Variants in NCKAP5 observed in about 807,000 individuals in gnomAD.
NCKAP5 encodes NCK associated protein 5.
In NCKAP5, 92 loss-of-function variants were observed where a neutral mutation model predicts 167.0. The observed-to-expected ratio is 0.55, with a 90% CI of 0.47 to 0.66. The LOEUF (loss-of-function observed/expected upper bound fraction) is 0.66, where lower values mean the gene tolerates loss of function less well. Among genes scored for constraint, NCKAP5 ranks in the 30% least tolerant of loss-of-function variants. The probability of loss-of-function intolerance (pLI) is 0.00; values close to 1 mark genes in which losing one functional copy is unlikely to be tolerated. For missense variants in NCKAP5, 2,378 were observed against 2,315.0 expected, an observed-to-expected ratio of 1.03 and a Z score of -0.56; for synonymous variants, 891 against 877.4, an observed-to-expected ratio of 1.02 and a Z score of -0.27.
At chr2:133,584,535 C>T in the NCKAP5 span, among the ~76,000 whole-genome samples, 1 of 152,170 alleles carries the variant, frequency 6.6e-6, no homozygotes, top group Admixed American at 6.5e-5. Flanking sequence ...GAGGCTGAGG[C>T]GGGTGGATCA....
intron 11 of NCKAP5, among the ~76,000 whole-genome samples, chr2:132,856,900 A>T (rs1689515511): frequency 6.6e-6 from 1 of 152,178 alleles, no homozygotes. Flanking sequence ...CTTAATTTCA[A>T]CAGATTTTCA....
At chr2:132,973,726 G>GA (rs774637661) in intron 7 of NCKAP5, among the ~76,000 whole-genome samples, 1,869 of 141,106 alleles carry the variant, frequency 0.013, 12 homozygotes, top group South Asian at 0.024. Flanking sequence ...CACCTTCTTG[G>GA]AAAAAAAAAA....
At chr2:132,732,670 A>G (rs575617156) in intron 16 of NCKAP5, among the ~76,000 whole-genome samples, 47 of 152,334 alleles carry the variant, frequency 3.1e-4, no homozygotes, top group African/African-American at 8.7e-4. Flanking sequence ...CAATCTGGGA[A>G]TCATACAACT....
Position 132,745,351 on chromosome 2 carries a change from T to C in NCKAP5, c.5129-13300A>G, listed in dbSNP as rs575068535. 4.0e-5 allele frequency among the ~76,000 whole-genome samples: 6 copies of C among 150,814 alleles called. No individual in the cohort carries two copies. The South Asian group carries it at 8.3e-4, about 21-fold the overall frequency. Reference sequence around the variant, plus strand: ...AACCATATGATTATCTCAAAATACATAGAAAAAATCATTTAACAAAATTCA... The same window carrying C: ...AACCATATGATTATCTCAAAATACACAGAAAAAATCATTTAACAAAATTCA... On this transcript the variant is annotated intron_variant, in intron 16 of 19. Transcript: ENST00000409261.
intron 3 of NCKAP5, among the ~76,000 whole-genome samples, chr2:133,329,902 G>A (rs1377116204): frequency 6.6e-6 from 1 of 151,974 alleles, no homozygotes; most frequent in African/African-American, 2.4e-5. Context: ...TGGTTTGTGA[G>A]GAATCTGAGT....
chr2:133,448,272 C>A (rs1015065691), intron 3 of NCKAP5, among the ~76,000 whole-genome samples: 1 of 149,652 alleles, frequency 6.7e-6, no homozygotes. Flanking sequence ...AAGAGGGAGG[C>A]GGGTTGGTGG....
intron 3 of NCKAP5, among the ~76,000 whole-genome samples, chr2:133,312,408 A>G (rs1681306007): frequency 6.6e-6 from 1 of 152,156 alleles, no homozygotes; most frequent in African/African-American, 2.4e-5. Flanking sequence ...ATCTCTCTCC[A>G]GCTGTAGCTG....
chr2:133,119,558 T>C (rs2082188793), intron 6 of NCKAP5, among the ~76,000 whole-genome samples: 1 of 152,190 alleles, frequency 6.6e-6, no homozygotes, highest in Non-Finnish European at 1.5e-5. Flanking sequence ...TAGCAAAAGA[T>C]AAATATTTAA....
At chr2:133,481,779 C>T (rs1178849011) in intron 3 of NCKAP5, among the ~76,000 whole-genome samples, 1 of 152,112 alleles carries the variant, frequency 6.6e-6, no homozygotes, top group Non-Finnish European at 1.5e-5. Flanking sequence ...CTTTTTTATG[C>T]CTCCATAGTA....
rs770355962 is a variant in NCKAP5 at position 132,782,759 on chromosome 2, G to A, written c.4052C>T (p.Ser1351Phe). 1 of 1,613,932 alleles carries A rather than the reference G, an allele frequency of 6.2e-7. No homozygotes were observed. Among genetic ancestry groups the A allele is most frequent in the South Asian group, 1.1e-5 (1 of 91,068 alleles). ...PSGHPSSGKGSLGSSGSFSSQ... is the reference protein window; with the variant it reads ...PSGHPSSGKGFLGSSGSFSSQ... ...GCTGAAGCTGCCTGAGCTCCCCAGGGAGCCCTTCCCGGAGGAGGGGTGCCC... is the reference window on the plus strand; with the variant it reads ...GCTGAAGCTGCCTGAGCTCCCCAGGAAGCCCTTCCCGGAGGAGGGGTGCCC... The change falls in exon 14 of 20, where the codon TCC becomes TTC. Residue 1351 changes from serine (S) to phenylalanine (F), a missense_variant. Ser to Phe is a radical substitution (Grantham distance 155). Coordinates refer to ENST00000409261, the MANE Select transcript of NCKAP5 (RefSeq NM_207363.3).
At position 133,442,672 on chromosome 2, in the gene NCKAP5, A is replaced by T. The variant is rs182851076; in HGVS notation, c.69+74786T>A. Among the ~76,000 whole-genome samples, 25 of 152,318 alleles carry T rather than the reference A, an allele frequency of 1.6e-4. 1 individual carries two copies. The highest frequency in any genetic ancestry group is 1.6e-3 in the Admixed American group (25 of 15,292). ...TTTAGCCATTAGTTCCCCAGCACCT[A>T]GCAGAGTGTGGGCTGCCAATGGTGT... On this transcript the variant is annotated intron_variant, in intron 3 of 19. Transcript: ENST00000409261.
At chr2:133,553,257 C>T (rs1453030600) in intron 2 of NCKAP5, among the ~76,000 whole-genome samples, 1 of 152,180 alleles carries the variant, frequency 6.6e-6, no homozygotes, top group Admixed American at 6.5e-5. Flanking sequence ...CAGTAAATCG[C>T]ACTGGGCGCT....
At chr2:132,675,187 T>C (rs1684277070) in intron 19 of NCKAP5, among the ~76,000 whole-genome samples, 1 of 152,228 alleles carries the variant, frequency 6.6e-6, no homozygotes, top group South Asian at 2.1e-4. Flanking sequence ...GCTTTGGTAC[T>C]GAAGATACAC....
intron 2 of NCKAP5, among the ~76,000 whole-genome samples, chr2:133,518,344 A>ATTTTTTTTTTTTTTTTTTTTTT (rs751025050): frequency 2.7e-5 from 2 of 74,616 alleles, no homozygotes; most frequent in African/African-American, 9.6e-5. Context: ...ACAGTAAAGG[A>ATTTTTTTTTTTTTTTTTTTTTT]TTTTTTTTTT....
chr2:133,187,286 G>T (rs368900162), intron 5 of NCKAP5, among the ~76,000 whole-genome samples: 1 of 151,972 alleles, frequency 6.6e-6, no homozygotes, highest in South Asian at 2.1e-4. Flanking sequence ...TACTGACCAA[G>T]AACACTGTTG....
intron 18 of NCKAP5, among the ~76,000 whole-genome samples, chr2:132,727,602 C>A (rs115160288): frequency 0.015 from 2,298 of 152,318 alleles, 30 homozygotes; most frequent in Non-Finnish European, 0.025. Context: ...TCTGGAGGAG[C>A]CCTAACATTC....
the NCKAP5 span, among the ~76,000 whole-genome samples, chr2:133,635,913 T>C: frequency 6.6e-6 from 1 of 152,274 alleles, no homozygotes; most frequent in Middle Eastern, 3.4e-3. Flanking sequence ...GAGCCTAACC[T>C]TGAAGAGTAT....
At chr2:133,538,906 T>TTGG (rs1269412712) in intron 2 of NCKAP5, among the ~76,000 whole-genome samples, 1 of 143,516 alleles carries the variant, frequency 7.0e-6, no homozygotes, top group East Asian at 2.2e-4. Flanking sequence ...AGTTTTTTTT[T>TTGG]GGTTTTTTTT....
intron 6 of NCKAP5, among the ~76,000 whole-genome samples, chr2:133,082,880 T>A (rs1292127576): frequency 6.6e-6 from 1 of 152,090 alleles, no homozygotes; most frequent in Non-Finnish European, 1.5e-5. Flanking sequence ...TTTTTGAAAA[T>A]TTAAAACAAT....
Sources: allele counts gnomAD v4.1 joint callset (sites outside exome capture counted in the v4.1 genomes callset), GRCh38; gene constraint gnomAD v4.1.1; transcripts MANE v1.5; gene names NCBI Gene and HGNC (gene_info 2026-07-23, HGNC 2026-07-21).